Variants in RIMS1 observed in about 807,000 individuals in gnomAD.
The protein encoded by RIMS1 is regulating synaptic membrane exocytosis protein 1.
Under a neutral mutation model 214.1 loss-of-function variants are expected in RIMS1, and 83 were observed. That is an observed-to-expected ratio of 0.39 (90% confidence interval 0.32 to 0.47). The LOEUF (loss-of-function observed/expected upper bound fraction) is 0.47. Among genes scored for constraint, RIMS1 ranks in the 20% least tolerant of loss-of-function variants. The pLI is 0.99. For missense variants in RIMS1, 2,050 were observed against 2,161.8 expected (o/e 0.95, Z 1.03); for synonymous variants, 793 against 786.8 (o/e 1.01, Z -0.13).
chr6:72,210,742 A>G (rs1185735809), intron 6 of RIMS1, among the ~76,000 whole-genome samples: 1 of 152,220 alleles, frequency 6.6e-6, no homozygotes, highest in African/African-American at 2.4e-5. Flanking sequence ...TATGTCATTT[A>G]TCATACCTAA....
At chr6:72,348,177 G>GT (rs1191328221) in intron 29 of RIMS1, among the ~76,000 whole-genome samples, 1 of 151,882 alleles carries the variant, frequency 6.6e-6, no homozygotes, top group Non-Finnish European at 1.5e-5. Flanking sequence ...ATAAAAACAT[G>GT]TTTTTTAAGT....
chr6:71,957,695 C>T (rs2151207663), intron 1 of RIMS1, among the ~76,000 whole-genome samples: 1 of 150,556 alleles, frequency 6.6e-6, no homozygotes, highest in South Asian at 2.1e-4. Context: ...AATTATTTTA[C>T]AACCCTCAAG....
At chr6:71,990,391 A>AAAG (rs1342702080) in intron 2 of RIMS1, among the ~76,000 whole-genome samples, 1 of 152,250 alleles carries the variant, frequency 6.6e-6, no homozygotes, top group Non-Finnish European at 1.5e-5. Context: ...TATTTAAGAT[A>AAAG]AAGTCACATT....
chr6:72,003,716 T>C (rs914999112), intron 2 of RIMS1, among the ~76,000 whole-genome samples: 1 of 151,996 alleles, frequency 6.6e-6, no homozygotes, highest in African/African-American at 2.4e-5. Flanking sequence ...AATGTATGTC[T>C]CCAACAAAAG....
chr6:72,111,392 C>T (rs1403081642), intron 4 of RIMS1, among the ~76,000 whole-genome samples: 1 of 152,110 alleles, frequency 6.6e-6, no homozygotes, highest in Non-Finnish European at 1.5e-5. Context: ...AATCTGAAAA[C>T]AAAATTTTGT....
chr6:72,015,491 G>GT (rs1317603425), intron 2 of RIMS1, among the ~76,000 whole-genome samples: 1 of 152,088 alleles, frequency 6.6e-6, no homozygotes, highest in Admixed American at 6.5e-5. Flanking sequence ...AGTATTCTTT[G>GT]TTGCTTTCCA....
chr6:71,921,340 C>T (rs1029600110), intron 1 of RIMS1, among the ~76,000 whole-genome samples: 17 of 152,120 alleles, frequency 1.1e-4, no homozygotes, highest in Admixed American at 1.0e-3. Flanking sequence ...AGGCTGGTCT[C>T]GAACCCCTGA....
chr6:72,156,754 T>C (rs956856194), intron 4 of RIMS1, among the ~76,000 whole-genome samples: 1 of 141,030 alleles, frequency 7.1e-6, no homozygotes, highest in East Asian at 2.0e-4. Context: ...CTCAAATATA[T>C]ATAATTTTAT....
chr6:72,175,379 A>G (rs775066629), intron 4 of RIMS1: 1 of 425,108 alleles, frequency 2.4e-6, no homozygotes, highest in Non-Finnish European at 4.7e-6. Context: ...TTGTGTTAAT[A>G]TAAGAATTCT....
At chr6:72,283,859 C>G (rs1194272849) in intron 23 of RIMS1, among the ~76,000 whole-genome samples, 188 bp from the exon 24 acceptor site, 1 of 152,098 alleles carries the variant, frequency 6.6e-6, no homozygotes, top group Admixed American at 6.6e-5. Context: ...CACTTGGCAC[C>G]AATTCTGGTT....
intron 9 of RIMS1, among the ~76,000 whole-genome samples, chr6:72,241,648 A>G (rs1324236865): frequency 6.6e-6 from 1 of 152,196 alleles, no homozygotes; most frequent in Non-Finnish European, 1.5e-5. Context: ...AATATAGATT[A>G]TGTATAGTAC....
chr6:71,896,379 A>C (rs1438553410), intron 1 of RIMS1, among the ~76,000 whole-genome samples: 2 of 152,198 alleles, frequency 1.3e-5, no homozygotes, highest in Non-Finnish European at 2.9e-5. Context: ...TCTAAGTATC[A>C]TGCCAGACAC....
chr6:72,071,492 A>G (rs964289381), intron 2 of RIMS1, among the ~76,000 whole-genome samples: 1 of 152,178 alleles, frequency 6.6e-6, no homozygotes, highest in Non-Finnish European at 1.5e-5. Flanking sequence ...TTATGGAGTT[A>G]TGGGTTAGAT....
Position 72,174,724 on chromosome 6 carries a change from T to C in RIMS1, c.472-4851T>C, listed in dbSNP as rs556854735. Among the ~76,000 whole-genome samples the C allele has an allele frequency of 1.7e-3, 264 of 152,182 alleles. 1 individual carries two copies. Among genetic ancestry groups the C allele is most frequent in the African/African-American group, 6.2e-3 (259 of 41,534 alleles). On this transcript the variant is annotated intron_variant, in intron 4 of 33. Transcript: ENST00000521978. ...TGTGCCATAATATTAAATATATAAA[T>C]AGGATATAGAGTAACAGTGGAATCT...
At chr6:72,008,184 A>G (rs1808625415) in intron 2 of RIMS1, among the ~76,000 whole-genome samples, 1 of 152,216 alleles carries the variant, frequency 6.6e-6, no homozygotes, top group East Asian at 1.9e-4. Context: ...TTCTTAAAGA[A>G]AAGAATTTTC....
intron 2 of RIMS1, among the ~76,000 whole-genome samples, chr6:71,996,356 A>G (rs1254372063): frequency 6.6e-6 from 1 of 152,194 alleles, no homozygotes; most frequent in South Asian, 2.1e-4. Context: ...AACCTTATTA[A>G]AACCTTGCCT....
At chr6:72,310,739 T>C (rs1246840258) in intron 27 of RIMS1, among the ~76,000 whole-genome samples, 1 of 152,088 alleles carries the variant, frequency 6.6e-6, no homozygotes, top group Admixed American at 6.6e-5. Flanking sequence ...AATTGTTACA[T>C]TCAAAATTTA....
At chr6:72,188,332 G>A (rs1363232413) in intron 6 of RIMS1, among the ~76,000 whole-genome samples, 1 of 152,066 alleles carries the variant, frequency 6.6e-6, no homozygotes, top group Non-Finnish European at 1.5e-5. Flanking sequence ...ACAATAATAA[G>A]GTAATAATTA....
rs551823534 is a variant in RIMS1, at chr6:71,921,558, A to G, written c.164+34371A>G. Among the ~76,000 whole-genome samples the G allele has an allele frequency of 5.9e-5, 9 of 152,334 alleles. No individual in the cohort carries two copies. In the East Asian group the frequency reaches 1.5e-3, roughly 26 times the overall value. ...CAGACTTGATTTGGCCTCTTGCACA[A>G]TCATACTTACTGAATTGCATTTTGG... is the stretch of plus-strand genomic sequence containing the variant. On this transcript the variant is annotated intron_variant, in intron 1 of 33. Coordinates refer to ENST00000521978, the MANE Select transcript of RIMS1 (RefSeq NM_014989.7).
Sources: allele counts gnomAD v4.1 joint callset (sites outside exome capture counted in the v4.1 genomes callset), GRCh38; gene constraint gnomAD v4.1.1; transcripts MANE v1.5; gene names NCBI Gene and HGNC (gene_info 2026-07-23, HGNC 2026-07-21).